Variants in PUM1 observed in about 807,000 individuals in gnomAD.
The protein encoded by PUM1 is pumilio homolog 1.
In PUM1, 13 loss-of-function variants were observed where a neutral mutation model predicts 131.8. The observed-to-expected ratio is 0.10, with a 90% CI of 0.06 to 0.16. PUM1 has a LOEUF of 0.16. Among genes scored for constraint, PUM1 ranks in the 10% least tolerant of loss-of-function variants. PUM1 has a pLI of 1.00. For missense variants in PUM1, 961 were observed against 1,512.4 expected (o/e 0.64, Z 6.05); for synonymous variants, 509 against 556.5 (o/e 0.91, Z 1.20).
At chr1:31,063,815 G>A (rs554987347) in intron 1 of PUM1, among the ~76,000 whole-genome samples, 1 of 152,236 alleles carries the variant, frequency 6.6e-6, no homozygotes, top group South Asian at 2.1e-4. Flanking sequence ...TACCTAAAGA[G>A]GCAAGGCAGT....
chr1:31,022,839 G>C (rs765892563), intron 3 of PUM1, among the ~76,000 whole-genome samples: 39 of 152,088 alleles, frequency 2.6e-4, no homozygotes, highest in Non-Finnish European at 5.3e-4. Context: ...AAAGTTAAGG[G>C]AACTAGGGTG....
chr1:30,970,989 A>G (rs1401510765), intron 10 of PUM1, among the ~76,000 whole-genome samples: 1 of 152,114 alleles, frequency 6.6e-6, no homozygotes, highest in African/African-American at 2.4e-5. Flanking sequence ...CTTTTTGTCC[A>G]CTCTCTAGAA....
intron 2 of PUM1, among the ~76,000 whole-genome samples, chr1:31,043,661 A>C (rs1643890813): frequency 6.6e-6 from 1 of 152,212 alleles, no homozygotes; most frequent in South Asian, 2.1e-4. Flanking sequence ...CATTGCATCT[A>C]AAGAGTTTAC....
intron 16 of PUM1, among the ~76,000 whole-genome samples, chr1:30,951,239 G>A (rs1205768826): frequency 3.9e-5 from 6 of 152,162 alleles, no homozygotes; most frequent in Admixed American, 3.9e-4. Flanking sequence ...AGGTGCATCA[G>A]CCTCCAGAAC....
At chr1:30,944,333 G>A (rs964180015) in intron 18 of PUM1, among the ~76,000 whole-genome samples, 6 of 152,202 alleles carry the variant, frequency 3.9e-5, no homozygotes, top group Admixed American at 1.3e-4. Flanking sequence ...ACCCAAAGGG[G>A]AGCTGAGTTT....
chr1:31,041,200 T>C (rs1643803029), intron 2 of PUM1, among the ~76,000 whole-genome samples: 1 of 152,162 alleles, frequency 6.6e-6, no homozygotes, highest in African/African-American at 2.4e-5. Context: ...AATAGCATCA[T>C]GCCATTCACT....
chr1:30,941,963 G>A (rs898063511), intron 19 of PUM1, 35 bp downstream of exon 19: 4 of 1,514,006 alleles, frequency 2.6e-6, no homozygotes, highest in South Asian at 1.1e-5. Flanking sequence ...CAAGCCCACA[G>A]GTGTTCGCAG....
chr1:31,005,827 G>GAGAGA (rs766405035), intron 5 of PUM1, 26 bp downstream of exon 5: 1 of 1,527,194 alleles, frequency 6.5e-7, no homozygotes, highest in Non-Finnish European at 8.8e-7. Context: ...GAGAGAGATA[G>GAGAGA]GAACAAGTTC....
Position 30,932,809 on chromosome 1 carries a change from A to C in PUM1, c.*402T>G, listed in dbSNP as rs1230012004. 6.6e-6 allele frequency: 1 copy of C among 151,568 alleles called. No individual in the cohort carries two copies. The allele number at this position is 151,568 out of a possible 1,614,324, so 9.4% of individuals were successfully genotyped here. On this transcript the variant is annotated 3_prime_UTR_variant, in exon 22 of 22. Transcript: ENST00000426105. Reference sequence around the variant, plus strand: ...GCAAAACTTGCCGGCCAGGCAAATGAGCTAAAAACCTTTTCCTTTTTTTCT... The same window carrying C: ...GCAAAACTTGCCGGCCAGGCAAATGCGCTAAAAACCTTTTCCTTTTTTTCT...
chr1:30,950,065 T>C (rs1442378253), intron 17 of PUM1, 62 bp downstream of exon 17: 18 of 1,534,476 alleles, frequency 1.2e-5, no homozygotes, highest in Non-Finnish European at 1.6e-5. Context: ...AATTACAGGG[T>C]TCACTACATG....
At position 31,057,564 on chromosome 1, in the gene PUM1, A is replaced by G. The variant is rs375659412; in HGVS notation, c.363+1640T>C. 7.2e-5 allele frequency among the ~76,000 whole-genome samples: 11 copies of G among 151,872 alleles called. No individual in the cohort carries two copies. The East Asian group carries it at 1.2e-3, about 16-fold the overall frequency. On this transcript the variant is annotated intron_variant, in intron 2 of 21. Transcript: ENST00000426105. The stretch of plus-strand genomic sequence containing the variant: ...ACATGGTGAAACCCTCTCTCTGCTA[A>G]AAATACAAAAATTAGCCAGGTATGG...
chr1:31,058,146 TTC>T (rs1235844982), intron 2 of PUM1, among the ~76,000 whole-genome samples: 1 of 152,134 alleles, frequency 6.6e-6, no homozygotes, highest in Non-Finnish European at 1.5e-5. Context: ...CCACAACCAC[TTC>T]TCTCTGACAC....
intron 8 of PUM1, 74 bp from the exon 9 acceptor site, chr1:30,980,237 C>A: frequency 8.8e-7 from 1 of 1,141,438 alleles, no homozygotes; most frequent in Non-Finnish European, 1.3e-6. Flanking sequence ...TACACAGTTT[C>A]GCTATTCACT....
At chr1:30,968,195 C>A in intron 11 of PUM1, 159 bp downstream of exon 11, 1 of 954,962 alleles carries the variant, frequency 1.0e-6, no homozygotes, top group Non-Finnish European at 1.7e-6. Context: ...CATCAGTGAA[C>A]TATAGTCTAA....
intron 2 of PUM1, among the ~76,000 whole-genome samples, chr1:31,031,036 G>C (rs1643410220): frequency 6.6e-6 from 1 of 152,174 alleles, no homozygotes; most frequent in Admixed American, 6.5e-5. Flanking sequence ...TAGGAGCTAT[G>C]ATCATTTTAC....
rs373285606 is a variant in PUM1, at chr1:31,055,696, C to T, written c.363+3508G>A. Among the ~76,000 whole-genome samples, 52 of 152,318 alleles carry T rather than the reference C, an allele frequency of 3.4e-4. No homozygotes were observed. In the South Asian group the frequency reaches 6.2e-3, roughly 18 times the overall value. ...TTGCTAACTGACCTGGATAAAACTGCTCAGTAAGTCAGATGTGATTCCTTA... is the reference window on the plus strand; with the variant it reads ...TTGCTAACTGACCTGGATAAAACTGTTCAGTAAGTCAGATGTGATTCCTTA... On this transcript the variant is annotated intron_variant, in intron 2 of 21. Transcript: ENST00000426105.
At chr1:31,037,698 T>C (rs545506093) in intron 2 of PUM1, among the ~76,000 whole-genome samples, 13 of 149,556 alleles carry the variant, frequency 8.7e-5, no homozygotes, top group Admixed American at 7.3e-4. Flanking sequence ...CAAAGCACGA[T>C]TCAGTCTCAA....
At chr1:31,061,349 G>A (rs1644362960) in intron 1 of PUM1, among the ~76,000 whole-genome samples, 2 of 152,164 alleles carry the variant, frequency 1.3e-5, no homozygotes, top group Non-Finnish European at 2.9e-5. Flanking sequence ...TGGGCACGGT[G>A]GCTCATGCCT....
At chr1:31,057,130 G>A (rs553272517) in intron 2 of PUM1, among the ~76,000 whole-genome samples, 4 of 152,248 alleles carry the variant, frequency 2.6e-5, no homozygotes, top group Non-Finnish European at 4.4e-5. Flanking sequence ...CTGGTCAGAT[G>A]CAGTAGCTCA....
Sources: gnomAD v4.1 joint callset for allele counts (sites outside exome capture counted in the v4.1 genomes callset) on GRCh38, gnomAD v4.1.1 for gene constraint, MANE v1.5 for transcripts, NCBI Gene and HGNC (gene_info 2026-07-23, HGNC 2026-07-21) for gene names.